Variants in SORBS2 observed in about 807,000 individuals in gnomAD.
SORBS2 encodes sorbin and SH3 domain containing 2, also known as sorbin and SH3 domain-containing protein 2.
SORBS2 carries 46 observed loss-of-function variants against 97.7 expected under a neutral mutation model. The ratio of observed to expected loss-of-function variants is 0.47; its 90% CI spans 0.37 to 0.60. The LOEUF is 0.60. Among genes scored for constraint, SORBS2 ranks in the 20% least tolerant of loss-of-function variants. SORBS2 has a pLI of 0.00. For synonymous variants in SORBS2, 476 were observed against 473.4 expected (o/e 1.01, Z -0.07); for missense variants, 1,316 against 1,282.3 (o/e 1.03, Z -0.40).
At chr4:185,835,528 C>T (rs2099207541) in intron 1 of SORBS2, among the ~76,000 whole-genome samples, 1 of 152,022 alleles carries the variant, frequency 6.6e-6, no homozygotes, top group African/African-American at 2.4e-5. Flanking sequence ...GTCAACAGAA[C>T]ATTAGAATGT....
At chr4:185,620,117 C>T in exon 8 of SORBS2, 1 of 1,612,400 alleles carries the variant, frequency 6.2e-7, no homozygotes, top group Non-Finnish European at 8.5e-7. Flanking sequence ...CCATGTCAGT[C>T]AAAGTGGATG....
Position 185,665,550 on chromosome 4 carries a change from G to T in SORBS2, c.-45-3308C>A, listed in dbSNP as rs528043781. Among the ~76,000 whole-genome samples, 26 of 152,316 alleles carry T rather than the reference G, an allele frequency of 1.7e-4. 2 individuals carry two copies. In the South Asian group the frequency reaches 2.9e-3, roughly 17 times the overall value. ...TAATTCTAAAATGAATGAAGAGAAT[G>T]AAGTGACTTTTTCAGCCTTAAGCAA... is the stretch of plus-strand genomic sequence containing the variant. On this transcript the variant is annotated intron_variant, in intron 4 of 20. Transcript: ENST00000284776.
intron 2 of SORBS2, among the ~76,000 whole-genome samples, chr4:185,687,294 C>T (rs4400036): frequency 0.026 from 4,018 of 152,242 alleles, 164 homozygotes; most frequent in African/African-American, 0.091. Context: ...TCCCAAAATG[C>T]TGGAATTACA....
At chr4:185,610,723 T>A (rs1371354792) in intron 12 of SORBS2, among the ~76,000 whole-genome samples, 4 of 152,142 alleles carry the variant, frequency 2.6e-5, no homozygotes, top group African/African-American at 9.7e-5. Context: ...GACTTCACAC[T>A]TTAGTAACAT....
intron 4 of SORBS2, chr4:185,676,915 A>G (rs2097794931): frequency 8.8e-7 from 1 of 1,133,618 alleles, no homozygotes. Flanking sequence ...GCATTAGGTC[A>G]TATAAGAAGC....
rs531943002 is a variant in SORBS2 at position 185,806,869 on chromosome 4, G to C, written c.-337-31503C>G. On this transcript the variant is annotated intron_variant, in intron 1 of 20. Coordinates refer to the SORBS2 transcript ENST00000284776. ...TAGAACATCAGAAGATTTGGAGCCT[G>C]ACGGGTTTATGTTGCCCCTGTCCTC... Among the ~76,000 whole-genome samples the C allele has an allele frequency of 1.2e-3, 189 of 152,284 alleles. 1 individual carries two copies. The highest frequency in any genetic ancestry group is 8.7e-4 in the Non-Finnish European group (59 of 68,026).
chr4:185,917,170 G>T (rs1265714592), intron 1 of SORBS2, among the ~76,000 whole-genome samples: 2 of 152,180 alleles, frequency 1.3e-5, no homozygotes, highest in African/African-American at 2.4e-5. Context: ...AGGCACAGAA[G>T]CTCCGCACCC....
At chr4:185,678,357 G>C in intron 4 of SORBS2, 66 bp downstream of exon 7, 1 of 1,312,636 alleles carries the variant, frequency 7.6e-7, no homozygotes, top group South Asian at 1.7e-5. Context: ...TAGGAAAGAG[G>C]CTGTAAGCAG....
At chr4:185,888,560 C>T (rs4862585) in intron 1 of SORBS2, among the ~76,000 whole-genome samples, 73,558 of 152,120 alleles carry the variant, frequency 0.48, 18,290 homozygotes, top group East Asian at 0.71. Context: ...TCATCCAGTT[C>T]ATGGTAACTT....
chr4:185,948,071 A>G (rs1443019343), intron 1 of SORBS2, among the ~76,000 whole-genome samples: 1 of 151,984 alleles, frequency 6.6e-6, no homozygotes, highest in Non-Finnish European at 1.5e-5. Context: ...TTTTCCATCT[A>G]GGCTACTCTG....
At chr4:185,953,236 C>T (rs996944544) in intron 1 of SORBS2, among the ~76,000 whole-genome samples, 3 of 152,254 alleles carry the variant, frequency 2.0e-5, no homozygotes, top group Non-Finnish European at 4.4e-5. Context: ...ATTGCTTGAA[C>T]CCGGGAGGTG....
intron 1 of SORBS2, among the ~76,000 whole-genome samples, chr4:185,895,348 A>C (rs945331904): frequency 2.0e-5 from 3 of 152,214 alleles, no homozygotes; most frequent in Non-Finnish European, 4.4e-5. Context: ...GATCCATCCC[A>C]ACACAGAATC....
intron 12 of SORBS2, among the ~76,000 whole-genome samples, chr4:185,598,524 C>G (rs11931080): frequency 0.021 from 3,205 of 152,246 alleles, 58 homozygotes; most frequent in Non-Finnish European, 0.033. Flanking sequence ...TCTAATTTAT[C>G]AAAGCTTCTG....
intron 1 of SORBS2, among the ~76,000 whole-genome samples, chr4:185,909,555 A>C (rs1182686455): frequency 7.0e-6 from 1 of 142,994 alleles, no homozygotes; most frequent in Non-Finnish European, 1.6e-5. Context: ...TAAATAAATA[A>C]AAGGGTAAAA....
intron 1 of SORBS2, among the ~76,000 whole-genome samples, chr4:185,931,534 C>G (rs575290242): frequency 1.3e-5 from 2 of 151,994 alleles, no homozygotes; most frequent in African/African-American, 4.8e-5. Flanking sequence ...ACATCAAGGC[C>G]GGGGGTTATT....
intron 1 of SORBS2, among the ~76,000 whole-genome samples, chr4:185,654,703 C>G (rs2097367715): frequency 1.3e-5 from 2 of 152,150 alleles, no homozygotes; most frequent in African/African-American, 4.8e-5. Flanking sequence ...GATCGCTATG[C>G]CTAAGGCTGA....
At chr4:185,869,054 G>A (rs563054995) in intron 1 of SORBS2, among the ~76,000 whole-genome samples, 1 of 152,180 alleles carries the variant, frequency 6.6e-6, no homozygotes, top group African/African-American at 2.4e-5. Context: ...GTGAGCAAGT[G>A]AAAACTGACC....
At chr4:185,867,582 T>C (rs1476491225) in intron 1 of SORBS2, among the ~76,000 whole-genome samples, 1 of 152,208 alleles carries the variant, frequency 6.6e-6, no homozygotes, top group African/African-American at 2.4e-5. Context: ...ATCACATTTC[T>C]TGTTTAAGTC....
chr4:185,892,644 T>C (rs555299328), intron 1 of SORBS2, among the ~76,000 whole-genome samples: 2 of 152,350 alleles, frequency 1.3e-5, no homozygotes, highest in East Asian at 3.9e-4. Context: ...TTGTGGACAG[T>C]GTGCATGGTG....
Sources: allele counts gnomAD v4.1 joint callset (sites outside exome capture counted in the v4.1 genomes callset), GRCh38; gene constraint gnomAD v4.1.1; transcripts MANE v1.5; gene names NCBI Gene and HGNC (gene_info 2026-07-23, HGNC 2026-07-21).